Variants in MBOAT1 observed in about 807,000 individuals in gnomAD.
The protein encoded by MBOAT1 is membrane bound glycerophospholipid O-acyltransferase 1, also known as membrane-bound glycerophospholipid O-acyltransferase 1.
In MBOAT1, 67 loss-of-function variants were observed where a neutral mutation model predicts 64.4. That is an observed-to-expected ratio of 1.04 (90% CI 0.85 to 1.27). The LOEUF (loss-of-function observed/expected upper bound fraction) is 1.27. Ranked by LOEUF, MBOAT1 falls within the 50% of genes most tolerant of loss-of-function variation. MBOAT1 has a pLI of 0.00. For synonymous variants in MBOAT1, 229 were observed against 218.9 expected (o/e 1.05, Z -0.41); for missense variants, 563 against 604.6 (o/e 0.93, Z 0.72).
intron 4 of MBOAT1, among the ~76,000 whole-genome samples, chr6:20,137,008 T>G (rs1214760384): frequency 1.3e-5 from 2 of 152,226 alleles, no homozygotes; most frequent in Non-Finnish European, 2.9e-5. Context: ...TTCATCTCTT[T>G]TAGACCATTT....
intron 1 of MBOAT1, among the ~76,000 whole-genome samples, chr6:20,168,490 A>G (rs1263876475): frequency 2.5e-5 from 3 of 119,990 alleles, no homozygotes; most frequent in East Asian, 4.4e-4. Context: ...AGAGACAGAG[A>G]CAGAGAGAGA....
At chr6:20,168,146 A>G (rs17565215) in intron 1 of MBOAT1, among the ~76,000 whole-genome samples, 5,938 of 152,290 alleles carry the variant, frequency 0.039, 123 homozygotes, top group Non-Finnish European at 0.049. Context: ...TGCTTTAAAG[A>G]GGCCACATTC....
chr6:20,165,931 A>G (rs530064402), intron 1 of MBOAT1, among the ~76,000 whole-genome samples: 1 of 152,204 alleles, frequency 6.6e-6, no homozygotes, highest in Non-Finnish European at 1.5e-5. Context: ...TTCATTTTTT[A>G]GCTAATTTCA....
intron 12 of MBOAT1, among the ~76,000 whole-genome samples, chr6:20,103,489 T>A (rs1561742579): frequency 6.6e-6 from 1 of 152,192 alleles, no homozygotes. Flanking sequence ...TGGAGTGCAA[T>A]GGTGTGATCT....
chr6:20,204,790 G>C (rs958073621), intron 1 of MBOAT1, among the ~76,000 whole-genome samples: 8 of 152,228 alleles, frequency 5.3e-5, no homozygotes, highest in African/African-American at 1.9e-4. Context: ...GGAATGCAGT[G>C]CAGCAACCAG....
chr6:20,190,891 A>G (rs952399304), intron 1 of MBOAT1, among the ~76,000 whole-genome samples: 2 of 143,090 alleles, frequency 1.4e-5, no homozygotes, highest in African/African-American at 2.6e-5. Context: ...CAACTCCAGC[A>G]GTGATCAGAA....
At chr6:20,109,902 C>CTT (rs1158455991) in intron 11 of MBOAT1, among the ~76,000 whole-genome samples, 153 bp from the exon 12 acceptor site, 1,208 of 94,022 alleles carry the variant, frequency 0.013, 6 homozygotes, top group Middle Eastern at 0.016. Flanking sequence ...ACCATCAGGA[C>CTT]TTTTTTTTTT....
At chr6:20,145,489 C>G (rs1761302506) in intron 3 of MBOAT1, among the ~76,000 whole-genome samples, 1 of 152,220 alleles carries the variant, frequency 6.6e-6, no homozygotes, top group African/African-American at 2.4e-5. Context: ...GTCACCTATG[C>G]TTTGTTCACC....
rs1763468869 is a variant in MBOAT1, at chr6:20,212,407, A to G, written c.-173T>C. The G allele has an allele frequency of 1.6e-6, 1 of 625,884 alleles. No homozygotes were observed. The allele number at this position is 625,884 out of a possible 1,614,324, so 38.8% of individuals were successfully genotyped here. On this transcript the variant is annotated 5_prime_UTR_variant, in exon 1 of 13. Transcript: ENST00000324607. ...GAACCGGCGCAAACTCTCGAGGCGC[A>G]AACTCTCGAGGCGCAAACTTGGCTT...
At chr6:20,110,133 A>C (rs536692833) in intron 11 of MBOAT1, among the ~76,000 whole-genome samples, 15 of 151,506 alleles carry the variant, frequency 9.9e-5, no homozygotes, top group Middle Eastern at 3.5e-3. Context: ...CTGGTCTCGA[A>C]TTCCTGACCT....
At chr6:20,172,519 G>A (rs966197129) in intron 1 of MBOAT1, among the ~76,000 whole-genome samples, 7 of 152,064 alleles carry the variant, frequency 4.6e-5, no homozygotes, top group Non-Finnish European at 5.9e-5. Context: ...ATCACAGGAG[G>A]GCCTACTGCC....
chr6:20,150,564 T>C (rs1761461201), intron 3 of MBOAT1, among the ~76,000 whole-genome samples: 1 of 142,262 alleles, frequency 7.0e-6, no homozygotes, highest in African/African-American at 2.6e-5. Context: ...TCTTTTTCCT[T>C]TTTTTTTTTT....
rs1419247309 is a variant in MBOAT1 at position 20,151,213 on chromosome 6, C to T, written c.295G>A (p.Val99Ile). 4.3e-6 allele frequency: 7 copies of T among 1,613,298 alleles called. No homozygotes were observed. The highest frequency in any genetic ancestry group is 5.9e-6 in the Non-Finnish European group (7 of 1,179,472). ...VLVLMCYAIMVTASVSNIHRY... is the reference protein window; with the variant it reads ...VLVLMCYAIMITASVSNIHRY... ...TGAATATTGGATACACTAGCAGTGA[C>T]CATGATTGCATAGCACATTAACACC... Residue 99 changes from valine to isoleucine, a missense_variant, in exon 3 of 13, where the codon GTC becomes ATC. Physicochemically the swap from Val to Ile is conservative, Grantham distance 29 (BLOSUM62 3). Transcript: ENST00000324607.
chr6:20,176,867 G>A (rs911692206), intron 1 of MBOAT1, among the ~76,000 whole-genome samples: 8 of 152,130 alleles, frequency 5.3e-5, no homozygotes, highest in South Asian at 4.2e-4. Context: ...CAGGTGGCCC[G>A]CCCACCTTAG....
At chr6:20,183,651 G>C (rs1197669196) in intron 1 of MBOAT1, among the ~76,000 whole-genome samples, 2 of 152,232 alleles carry the variant, frequency 1.3e-5, no homozygotes, top group Non-Finnish European at 2.9e-5. Context: ...AGATTACTTA[G>C]CAAAGCTAAG....
At chr6:20,131,068 G>A (rs1760812800) in intron 5 of MBOAT1, 76 bp downstream of exon 5, 2 of 1,293,094 alleles carry the variant, frequency 1.5e-6, no homozygotes, top group Admixed American at 3.4e-5. Context: ...ACTTTGGACT[G>A]TGTACATAGT....
intron 8 of MBOAT1, among the ~76,000 whole-genome samples, chr6:20,121,245 G>A (rs1032358492): frequency 5.3e-5 from 8 of 152,222 alleles, no homozygotes; most frequent in African/African-American, 1.9e-4. Flanking sequence ...TGTAAATGGT[G>A]TTTTAAAGGG....
chr6:20,164,790 C>T (rs907244079), intron 1 of MBOAT1, among the ~76,000 whole-genome samples: 21 of 152,208 alleles, frequency 1.4e-4, no homozygotes, highest in Non-Finnish European at 2.6e-4. Context: ...TATGATGGTT[C>T]GACTTACGAT....
chr6:20,179,503 C>G (rs1762447166), intron 1 of MBOAT1, among the ~76,000 whole-genome samples: 1 of 152,216 alleles, frequency 6.6e-6, no homozygotes, highest in Non-Finnish European at 1.5e-5. Flanking sequence ...ATTTTTATGG[C>G]TGCATAGTAT....
Sources: gnomAD v4.1 joint callset for allele counts (sites outside exome capture counted in the v4.1 genomes callset) on GRCh38, gnomAD v4.1.1 for gene constraint, MANE v1.5 for transcripts, NCBI Gene and HGNC (gene_info 2026-07-23, HGNC 2026-07-21) for gene names.